Variants in PLA2G7 observed in about 807,000 individuals in gnomAD.
The protein encoded by PLA2G7 is platelet-activating factor acetylhydrolase.
Under a neutral mutation model 49.6 loss-of-function variants are expected in PLA2G7, and 63 were observed. That is an observed-to-expected ratio of 1.27 (90% CI 1.04 to 1.57). The LOEUF is 1.57. Among genes scored for constraint, PLA2G7 ranks in the 40% most tolerant of loss-of-function variants. The pLI, the probability that PLA2G7 is intolerant of heterozygous loss-of-function variation, is 0.00. For synonymous variants in PLA2G7, 193 were observed against 169.9 expected, an observed-to-expected ratio of 1.14 and a Z score of -1.06; for missense variants, 596 against 521.2, an observed-to-expected ratio of 1.14 and a Z score of -1.40.
chr6:46,709,655 CTT>C (rs1203275890), intron 8 of PLA2G7, among the ~76,000 whole-genome samples: 1 of 152,064 alleles, frequency 6.6e-6, no homozygotes, highest in Non-Finnish European at 1.5e-5. Context: ...TGAAAGTAAA[CTT>C]AATGTTCTTT....
intron 5 of PLA2G7, 21 bp from the exon 6 acceptor site, chr6:46,712,358 A>G: frequency 7.6e-6 from 12 of 1,577,172 alleles, no homozygotes; most frequent in Non-Finnish European, 9.6e-6. Context: ...AAAAGAGGGA[A>G]GAATTACAAC....
At chr6:46,706,309 C>T (rs764078129) in intron 10 of PLA2G7, among the ~76,000 whole-genome samples, 6 of 152,146 alleles carry the variant, frequency 3.9e-5, no homozygotes, top group Admixed American at 6.6e-5. Context: ...CTCACTCTTC[C>T]CCACATTGTA....
Position 46,721,529 on chromosome 6 carries a change from A to G in PLA2G7, c.109+1254T>C, listed in dbSNP as rs939815974. Among the ~76,000 whole-genome samples, 3 of 151,986 alleles carry G rather than the reference A, an allele frequency of 2.0e-5. No individual in the cohort carries two copies. The South Asian group carries it at 6.2e-4, about 32-fold the overall frequency. ...TTTACCCTGTACCAATTAAAAGTGA[A>G]GGATATAAATGTTTCCCGAATGATG... On this transcript the variant is annotated intron_variant, in intron 2 of 11. Transcript: ENST00000274793.
At position 46,708,143 on chromosome 6, in the gene PLA2G7, A is replaced by C. The variant is rs775982217; in HGVS notation, c.888T>G (p.Asp296Glu). The C allele has an allele frequency of 6.2e-7, 1 of 1,611,978 alleles. No homozygotes were observed. Among genetic ancestry groups the C allele is most frequent in the South Asian group, 1.1e-5 (1 of 91,024 alleles). ...DQRFRCGIAL[D>E]AWMFPLGDEV... Reference sequence around the variant, plus strand: ...CATCACCCAGTGGAAACATCCATGCATCCAGGGCAATACCACATCTGTAGA... The same window carrying C: ...CATCACCCAGTGGAAACATCCATGCCTCCAGGGCAATACCACATCTGTAGA... Residue 296 changes from aspartate (D) to glutamate (E), a missense_variant, in exon 10 of 12, where the codon GAT becomes GAG. Coordinates refer to ENST00000274793, the MANE Select transcript of PLA2G7 (RefSeq NM_005084.4).
chr6:46,715,766 G>A (rs1765179351), intron 4 of PLA2G7, among the ~76,000 whole-genome samples: 1 of 152,214 alleles, frequency 6.6e-6, no homozygotes, highest in South Asian at 2.1e-4. Flanking sequence ...CCCAAAATTT[G>A]TAGATCGTTT....
intron 2 of PLA2G7, among the ~76,000 whole-genome samples, chr6:46,719,711 G>C (rs1765332359): frequency 6.6e-6 from 1 of 152,138 alleles, no homozygotes; most frequent in African/African-American, 2.4e-5. Flanking sequence ...AAAAGCACTT[G>C]ACCAGCCCAC....
chr6:46,730,843 C>G (rs1023714316), intron 1 of PLA2G7, among the ~76,000 whole-genome samples: 1 of 152,144 alleles, frequency 6.6e-6, no homozygotes, highest in Non-Finnish European at 1.5e-5. Context: ...CACTCTCCAG[C>G]CCTAAGAAAA....
chr6:46,732,337 C>G (rs1241880597), intron 1 of PLA2G7, among the ~76,000 whole-genome samples: 1 of 150,360 alleles, frequency 6.7e-6, no homozygotes, highest in Middle Eastern at 3.4e-3. Context: ...ATCCAAGAAG[C>G]TAGGCCCCTC....
At chr6:46,708,274 G>T (rs1416258666) in intron 9 of PLA2G7, 113 bp from the exon 10 acceptor site, 2 of 820,652 alleles carry the variant, frequency 2.4e-6, no homozygotes, top group Non-Finnish European at 4.3e-6. Flanking sequence ...GTTTATTATG[G>T]GTTATCTCAT....
intron 4 of PLA2G7, among the ~76,000 whole-genome samples, chr6:46,714,950 G>A (rs1244477600): frequency 1.3e-5 from 2 of 151,852 alleles, no homozygotes; most frequent in Non-Finnish European, 1.5e-5. Context: ...GGTCAGGCTG[G>A]TCGTGAACTC....
Position 46,704,537 on chromosome 6 carries a change from C to T in PLA2G7, c.*23G>A, listed in dbSNP as rs1291516502. 2 of 1,406,228 alleles carry T rather than the reference C, an allele frequency of 1.4e-6. No individual in the cohort carries two copies. The highest frequency in any genetic ancestry group is 1.4e-5 in the African/African-American group (1 of 70,232). The allele number at this position is 1,406,228 out of a possible 1,614,324, so 87.1% of individuals were successfully genotyped here. On this transcript the variant is annotated 3_prime_UTR_variant, in exon 12 of 12. Coordinates refer to ENST00000274793, the MANE Select transcript of PLA2G7 (RefSeq NM_005084.4). ...AATTTTAGACAGTTTTGAAACAAGA[C>T]TTTTAAAAAACCTATTTTAATCCTA...
chr6:46,706,257 C>A lies in PLA2G7; in HGVS notation c.1041-956G>T, dbSNP rs559207987. On this transcript the variant is annotated intron_variant, in intron 10 of 11. Coordinates refer to ENST00000274793, the MANE Select transcript of PLA2G7 (RefSeq NM_005084.4). ...TGGTTCTTATAAGCAACCCATCATTCTTTTAGTCATCTAAGCTCAAAACAG... is the reference window on the plus strand; with the variant it reads ...TGGTTCTTATAAGCAACCCATCATTATTTTAGTCATCTAAGCTCAAAACAG... Among the ~76,000 whole-genome samples, 23 of 152,288 alleles carry A rather than the reference C, an allele frequency of 1.5e-4. No homozygotes were observed. The South Asian group carries it at 4.8e-3, about 32-fold the overall frequency.
intron 1 of PLA2G7, among the ~76,000 whole-genome samples, chr6:46,724,549 C>T (rs1765513269): frequency 6.6e-6 from 1 of 152,228 alleles, no homozygotes; most frequent in African/African-American, 2.4e-5. Flanking sequence ...ATGTGCTTCC[C>T]TACATTTCTT....
chr6:46,706,293 CTCCCTCTCACTCT>C (rs368119126), intron 10 of PLA2G7, among the ~76,000 whole-genome samples: 106 of 152,314 alleles, frequency 7.0e-4, no homozygotes, highest in African/African-American at 2.4e-3. Context: ...GGCCACTTAA[CTCCCTCTCACTCT>C]TCCCCACATT....
intron 1 of PLA2G7, among the ~76,000 whole-genome samples, chr6:46,726,907 G>T (rs1017996638): frequency 6.6e-6 from 1 of 152,022 alleles, no homozygotes; most frequent in African/African-American, 2.4e-5. Context: ...CTCTCAAAGT[G>T]CTGGGATTAC....
rs542537283 is a variant in PLA2G7 at position 46,734,375 on chromosome 6, A to G, written c.-35+805T>C. On this transcript the variant is annotated intron_variant, in intron 1 of 11. Transcript: ENST00000274793. Reference sequence around the variant, plus strand: ...AGAGAGAGCGGAGGGAGAGAGAGAGAGGAGGCAGAGTGAGAGGTGTGTAGT... The same window carrying G: ...AGAGAGAGCGGAGGGAGAGAGAGAGGGGAGGCAGAGTGAGAGGTGTGTAGT... Among the ~76,000 whole-genome samples, 7 of 141,286 alleles carry G rather than the reference A, an allele frequency of 5.0e-5. No homozygotes were observed. In the South Asian group the frequency reaches 1.2e-3, roughly 24 times the overall value. 92.7% of individuals were successfully genotyped at this position (141,286 alleles called of 152,430 possible).
At chr6:46,707,656 C>T (rs1047043705) in intron 10 of PLA2G7, among the ~76,000 whole-genome samples, 2 of 152,152 alleles carry the variant, frequency 1.3e-5, no homozygotes, top group Non-Finnish European at 2.9e-5. Context: ...CCCCAGAAGC[C>T]GAGCAGATGC....
chr6:46,713,887 C>T (rs927161711), intron 5 of PLA2G7, among the ~76,000 whole-genome samples: 3 of 152,158 alleles, frequency 2.0e-5, no homozygotes, highest in Admixed American at 1.3e-4. Context: ...CTAACATTAG[C>T]CCATTCCTAT....
intron 1 of PLA2G7, among the ~76,000 whole-genome samples, chr6:46,724,209 A>G (rs1562078458): frequency 6.6e-6 from 1 of 152,084 alleles, no homozygotes; most frequent in East Asian, 1.9e-4. Context: ...TTTTTCTCCA[A>G]TATTTATCAC....
Sources: gnomAD v4.1 joint callset for allele counts (sites outside exome capture counted in the v4.1 genomes callset) on GRCh38, gnomAD v4.1.1 for gene constraint, MANE v1.5 for transcripts, NCBI Gene and HGNC (gene_info 2026-07-23, HGNC 2026-07-21) for gene names.